Variants in EPHA6 observed in about 807,000 individuals in gnomAD.
EPHA6 encodes ephrin type-A receptor 6.
EPHA6 carries 50 observed loss-of-function variants against 112.0 expected under a neutral mutation model. The ratio of observed to expected loss-of-function variants is 0.45; its 90% CI spans 0.36 to 0.56. The LOEUF (loss-of-function observed/expected upper bound fraction) is 0.56, where lower values mean the gene tolerates loss of function less well. EPHA6 is among the 20% of genes least tolerant of loss of function. EPHA6 has a pLI of 0.00. For missense variants in EPHA6, 1,280 were observed against 1,417.4 expected, an observed-to-expected ratio of 0.90 and a Z score of 1.56; for synonymous variants, 529 against 490.7, an observed-to-expected ratio of 1.08 and a Z score of -1.03.
chr3:97,527,829 T>C (rs1362850068), intron 10 of EPHA6, among the ~76,000 whole-genome samples: 1 of 152,114 alleles, frequency 6.6e-6, no homozygotes, highest in Non-Finnish European at 1.5e-5. Context: ...TTCTCAGTGA[T>C]GAAGAAGAAC....
At chr3:97,291,273 G>T (rs1024912543) in intron 5 of EPHA6, among the ~76,000 whole-genome samples, 1 of 152,096 alleles carries the variant, frequency 6.6e-6, no homozygotes, top group Non-Finnish European at 1.5e-5. Context: ...CATTTTTGTT[G>T]AAGCTTGTTT....
intron 14 of EPHA6, among the ~76,000 whole-genome samples, chr3:97,657,982 A>G (rs1447025125): frequency 6.6e-6 from 1 of 151,830 alleles, no homozygotes; most frequent in Non-Finnish European, 1.5e-5. Flanking sequence ...AGTCACAAGC[A>G]GGTAAAAGAA....
At chr3:97,237,259 G>A (rs573907260) in intron 4 of EPHA6, among the ~76,000 whole-genome samples, 19 of 150,882 alleles carry the variant, frequency 1.3e-4, no homozygotes, top group African/African-American at 3.4e-4. Flanking sequence ...TATTCACTTC[G>A]TATATTGCAA....
At chr3:97,123,470 A>T (rs1489323260) in intron 3 of EPHA6, among the ~76,000 whole-genome samples, 2 of 152,138 alleles carry the variant, frequency 1.3e-5, no homozygotes, top group African/African-American at 4.8e-5. Flanking sequence ...ATTTAAGCCA[A>T]TAAGCTACTC....
chr3:97,588,303 T>C (rs2093510470), intron 11 of EPHA6, among the ~76,000 whole-genome samples: 1 of 152,180 alleles, frequency 6.6e-6, no homozygotes, highest in Non-Finnish European at 1.5e-5. Context: ...CAAGTAATCT[T>C]CCTGCACCAC....
intron 5 of EPHA6, among the ~76,000 whole-genome samples, chr3:97,311,817 C>CAATATATTGTTCAAAACAAAACAA (rs1553743617): frequency 0.11 from 17,312 of 151,310 alleles, 1,958 homozygotes; most frequent in African/African-American, 0.26. Context: ...CAAAACAAAA[C>CAATATATTGTTCAAAACAAAACAA]AAAATATATT....
intron 2 of EPHA6, among the ~76,000 whole-genome samples, chr3:96,976,406 G>C (rs925275339): frequency 6.6e-6 from 1 of 151,914 alleles, no homozygotes; most frequent in Non-Finnish European, 1.5e-5. Flanking sequence ...ACTTAAACCT[G>C]CACTAAAATG....
intron 11 of EPHA6, among the ~76,000 whole-genome samples, chr3:97,589,330 G>A (rs1406463688): frequency 2.6e-5 from 4 of 152,024 alleles, no homozygotes; most frequent in Admixed American, 2.6e-4. Flanking sequence ...TTATGCTGTA[G>A]GGGCCAGTTT....
chr3:97,652,905 TG>T (rs2094116521), intron 14 of EPHA6, among the ~76,000 whole-genome samples: 1 of 151,998 alleles, frequency 6.6e-6, no homozygotes, highest in East Asian at 1.9e-4. Flanking sequence ...ACATTCTACC[TG>T]ATATAGTAAT....
intron 6 of EPHA6, among the ~76,000 whole-genome samples, chr3:97,435,302 A>T (rs1455164496): frequency 6.6e-6 from 1 of 152,204 alleles, no homozygotes; most frequent in Non-Finnish European, 1.5e-5. Flanking sequence ...ACTGGGTCAA[A>T]ACAAATTTAT....
At position 97,756,231 on chromosome 3, in the gene EPHA6, T is replaced by A. The variant is rs1222437316; in HGVS notation, c.*7530T>A. ...TACCATATTGTTTTTGTCTTCAGAA[T>A]AAGTCTGCTCAAAATTGTAGCCTTT... On this transcript the variant is annotated 3_prime_UTR_variant, in exon 18 of 18. Transcript: ENST00000389672. Among the ~76,000 whole-genome samples, 1 of 151,988 alleles carries A rather than the reference T, an allele frequency of 6.6e-6. No homozygotes were observed. The highest frequency in any genetic ancestry group is 1.5e-5 in the Non-Finnish European group (1 of 67,844).
At chr3:96,843,501 G>A (rs564478246) in intron 1 of EPHA6, among the ~76,000 whole-genome samples, 12 of 151,188 alleles carry the variant, frequency 7.9e-5, no homozygotes, top group South Asian at 6.2e-4. Context: ...GGTTAGTTAG[G>A]AAGAGCATGT....
intron 15 of EPHA6, among the ~76,000 whole-genome samples, chr3:97,732,050 T>C (rs879855325): frequency 6.6e-6 from 1 of 152,020 alleles, no homozygotes; most frequent in African/African-American, 2.4e-5. Context: ...GCAGCCACAG[T>C]GAGCTTTTCT....
chr3:97,148,046 T>C (rs1171497896), intron 3 of EPHA6, among the ~76,000 whole-genome samples: 4 of 152,278 alleles, frequency 2.6e-5, no homozygotes, highest in African/African-American at 9.6e-5. Context: ...TATTCAAATC[T>C]AAAGTTTATT....
At chr3:97,010,007 C>A in intron 3 of EPHA6, 2 of 984,996 alleles carry the variant, frequency 2.0e-6, no homozygotes, top group East Asian at 5.5e-5. Flanking sequence ...TTGATAGGAG[C>A]CTCCAAAGGC....
chr3:96,852,691 C>T (rs58899998), intron 1 of EPHA6, among the ~76,000 whole-genome samples: 5,913 of 151,506 alleles, frequency 0.039, 405 homozygotes, highest in African/African-American at 0.14. Flanking sequence ...TTTGAGTGTC[C>T]CCTGCAGTTA....
intron 7 of EPHA6, among the ~76,000 whole-genome samples, chr3:97,458,002 A>G (rs1480045582): frequency 3.1e-5 from 4 of 129,874 alleles, no homozygotes; most frequent in Non-Finnish European, 4.7e-5. Flanking sequence ...CGGGAGGCGG[A>G]GCTTGCAGTG....
intron 3 of EPHA6, among the ~76,000 whole-genome samples, chr3:97,173,105 T>C (rs2108432300): frequency 6.6e-6 from 1 of 152,046 alleles, no homozygotes; most frequent in East Asian, 1.9e-4. Context: ...TTTTGAGATA[T>C]CTTAGATGTT....
intron 1 of EPHA6, among the ~76,000 whole-genome samples, chr3:96,821,852 G>A (rs1408537555): frequency 1.3e-5 from 2 of 151,816 alleles, no homozygotes; most frequent in African/African-American, 4.8e-5. Context: ...ATTATGCTAA[G>A]TATTGAGGTT....
Sources: allele counts gnomAD v4.1 joint callset (sites outside exome capture counted in the v4.1 genomes callset), GRCh38; gene constraint gnomAD v4.1.1; transcripts MANE v1.5; gene names NCBI Gene and HGNC (gene_info 2026-07-23, HGNC 2026-07-21).